IPO5: variants seen among roughly 807,000 people sequenced by gnomAD.
IPO5 encodes importin-5.
IPO5 carries 18 observed loss-of-function variants against 143.3 expected under a neutral mutation model. That is an observed-to-expected ratio of 0.13 (90% CI 0.09 to 0.19). The LOEUF is 0.19. IPO5 is among the 10% of genes least tolerant of loss of function. IPO5 has a pLI of 1.00. For missense variants in IPO5, 1,013 were observed against 1,336.9 expected (o/e 0.76, Z 3.78); for synonymous variants, 477 against 465.7 (o/e 1.02, Z -0.31).
At chr13:97,978,712 T>A (rs1003708593) in intron 4 of IPO5, among the ~76,000 whole-genome samples, 4 of 152,144 alleles carry the variant, frequency 2.6e-5, no homozygotes, top group African/African-American at 9.7e-5. Context: ...CTAGTTTAAT[T>A]CTCTCTGTTC....
chr13:97,966,888 T>A (rs202040218), intron 2 of IPO5, among the ~76,000 whole-genome samples: 1 of 152,018 alleles, frequency 6.6e-6, no homozygotes. Context: ...ACACAAAAAT[T>A]AGCCGGGTGT....
chr13:98,020,510 C>G (rs537739297), intron 27 of IPO5, among the ~76,000 whole-genome samples: 1 of 152,200 alleles, frequency 6.6e-6, no homozygotes, highest in Non-Finnish European at 1.5e-5. Context: ...CTTAATCATG[C>G]TATTTGATCA....
chr13:97,956,001 G>A (rs190070830), intron 2 of IPO5, among the ~76,000 whole-genome samples: 1 of 151,878 alleles, frequency 6.6e-6, no homozygotes, highest in Non-Finnish European at 1.5e-5. Flanking sequence ...GCGTGGTGGC[G>A]GGCACCTGTG....
At position 98,018,479 on chromosome 13, in the gene IPO5, T is replaced by G; in HGVS notation, c.2617-6T>G. On this transcript the variant is annotated splice_polypyrimidine_tract_variant and splice_region_variant and intron_variant, in intron 25 of 28. Transcript: ENST00000651721. ...TTTGAAGCTTAAAAGAGAATTTCTT[T>G]TGTAGTGTCCACATAGACCATGGCC... The G allele has an allele frequency of 6.2e-7, 1 of 1,603,608 alleles. No homozygotes were observed. Among genetic ancestry groups the G allele is most frequent in the Non-Finnish European group, 8.5e-7 (1 of 1,171,432 alleles).
intron 3 of IPO5, among the ~76,000 whole-genome samples, chr13:97,972,648 A>G (rs997338361): frequency 1.3e-5 from 2 of 152,242 alleles, no homozygotes; most frequent in African/African-American, 4.8e-5. Context: ...GGCCATTCAC[A>G]AGATAAACCA....
intron 12 of IPO5, among the ~76,000 whole-genome samples, chr13:97,998,817 C>T (rs181008963): frequency 2.6e-5 from 4 of 152,162 alleles, no homozygotes; most frequent in Non-Finnish European, 2.9e-5. Flanking sequence ...TTCATTCTTC[C>T]CAGTGCATTA....
rs200777434 is a variant in IPO5 at position 98,002,489 on chromosome 13, A to G, written c.1131A>G (p.Ala377=). ...LQNPDWKYRH[A]GLMALSAIGE... ...TAGCTGACTGGAAATACCGGCATGC[A>G]GGATTGATGGCCTTATCTGCCATTG... The change falls in exon 14 of 29, where the codon GCA becomes GCG. Residue 377 remains alanine, a synonymous_variant. Coordinates refer to ENST00000651721, the MANE Select transcript of IPO5 (RefSeq NM_002271.6). 2.7e-4 allele frequency: 429 copies of G among 1,613,920 alleles called. 1 individual carries two copies. The highest frequency in any genetic ancestry group is 1.2e-4 in the Admixed American group (7 of 59,960).
In IPO5 at chr13:97,992,836, A is replaced by G; in HGVS notation, c.670-56A>G. On this transcript the variant is annotated intron_variant, in intron 9 of 28. Transcript: ENST00000651721. ...TCAGCATCTTAGGAATCTTTTGGCT[A>G]ATGAGGCATTATAAAGTGAATCTTC... 2.0e-6 allele frequency: 3 copies of G among 1,536,868 alleles called. No individual in the cohort carries two copies. The South Asian group carries it at 3.7e-5, about 19-fold the overall frequency.
rs1594117911 is a variant in IPO5, at chr13:98,009,940, G to A, written c.1860G>A (p.Gln620=). The A allele has an allele frequency of 6.2e-7, 1 of 1,613,964 alleles. No individual in the cohort carries two copies. The highest frequency in any genetic ancestry group is 8.5e-7 in the Non-Finnish European group (1 of 1,179,874). The change falls in exon 19 of 29, where the codon CAG becomes CAA. Residue 620 remains glutamine, a synonymous_variant. Coordinates refer to ENST00000651721, the MANE Select transcript of IPO5 (RefSeq NM_002271.6). ...RMCKILGKEF[Q]QYLPVVMGPL... is the part of the protein sequence containing the mutation. ...GCAAAATCCTTGGAAAAGAATTTCA[G>A]CAATACCTTCCAGTGGTTATGGGGC...
At chr13:98,018,423 T>A (rs1890261730) in intron 25 of IPO5, 62 bp from the exon 26 acceptor site, 1 of 1,221,480 alleles carries the variant, frequency 8.2e-7, no homozygotes. Flanking sequence ...CTATAGTGAA[T>A]ATTTCTTTAC....
At chr13:98,014,901 A>ATAG (rs2139848754) in intron 22 of IPO5, among the ~76,000 whole-genome samples, 1 of 145,516 alleles carries the variant, frequency 6.9e-6, no homozygotes, top group South Asian at 2.2e-4. Flanking sequence ...CACTTGGGCT[A>ATAG]CTCCAGATGT....
intron 11 of IPO5, among the ~76,000 whole-genome samples, chr13:97,993,444 A>G (rs1887965064): frequency 6.6e-6 from 1 of 152,256 alleles, no homozygotes; most frequent in African/African-American, 2.4e-5. Context: ...TCTGGTGTTA[A>G]AAATAACATT....
At chr13:98,003,058 G>C in intron 16 of IPO5, 21 bp downstream of exon 16, 1 of 1,572,992 alleles carries the variant, frequency 6.4e-7, no homozygotes, top group Non-Finnish European at 8.6e-7. Flanking sequence ...AGATCTGTAG[G>C]CTGCTTTCTG....
chr13:98,014,241 G>T (rs1191338114), intron 22 of IPO5, 27 bp downstream of exon 22: 1 of 1,474,690 alleles, frequency 6.8e-7, no homozygotes, highest in East Asian at 2.3e-5. Context: ...TAAAAAATAT[G>T]TATAAGGTTG....
chr13:98,004,506 G>A (rs539527773), intron 16 of IPO5, among the ~76,000 whole-genome samples: 25 of 152,370 alleles, frequency 1.6e-4, no homozygotes, highest in South Asian at 2.1e-4. Flanking sequence ...GTGGATGGCT[G>A]TGGTATGATA....
intron 26 of IPO5, 123 bp from the exon 27 acceptor site, chr13:98,019,458 C>A: frequency 2.8e-6 from 2 of 716,650 alleles, no homozygotes; most frequent in Non-Finnish European, 4.6e-6. Flanking sequence ...GAAGACAACA[C>A]TTCCCATACA....
Position 98,002,455 on chromosome 13 carries a change from T to A in IPO5, c.1109-12T>A. ...GTGTAATTGCTATTCCATCTGTAAT[T>A]TTTTTCGGTAGCTGACTGGAAATAC... On this transcript the variant is annotated splice_polypyrimidine_tract_variant and intron_variant, in intron 13 of 28. Coordinates refer to ENST00000651721, the MANE Select transcript of IPO5 (RefSeq NM_002271.6). 6.2e-7 allele frequency: 1 copy of A among 1,613,454 alleles called. No individual in the cohort carries two copies. Among genetic ancestry groups the A allele is most frequent in the Middle Eastern group, 1.7e-4 (1 of 6,056 alleles).
intron 20 of IPO5, among the ~76,000 whole-genome samples, chr13:98,010,782 T>TTTTTTTTTTTTTTTTGTTTTG: frequency 8.1e-6 from 1 of 123,432 alleles, no homozygotes; most frequent in African/African-American, 3.6e-5. Flanking sequence ...GGATAATCCT[T>TTTTTTTTTTTTTTTTGTTTTG]TTTTTTTTTT....
intron 2 of IPO5, among the ~76,000 whole-genome samples, chr13:97,955,012 G>C (rs1472111581): frequency 6.6e-6 from 1 of 152,082 alleles, no homozygotes; most frequent in Non-Finnish European, 1.5e-5. Context: ...AGGATCACTT[G>C]GGCCTAGGAG....
Sources: allele counts gnomAD v4.1 joint callset (sites outside exome capture counted in the v4.1 genomes callset), GRCh38; gene constraint gnomAD v4.1.1; transcripts MANE v1.5; gene names NCBI Gene and HGNC (gene_info 2026-07-23, HGNC 2026-07-21).